Variants in MORN5 observed in about 807,000 individuals in gnomAD.
MORN5 encodes the protein MORN repeat containing 5.
Under a neutral mutation model 22.1 loss-of-function variants are expected in MORN5, and 21 were observed. The ratio of observed to expected loss-of-function variants is 0.95; its 90% CI spans 0.67 to 1.37. The LOEUF is 1.37. Among genes scored for constraint, MORN5 ranks in the 40% most tolerant of loss-of-function variants. The pLI is 0.00. For synonymous variants in MORN5, 73 were observed against 74.0 expected (o/e 0.99, Z 0.07); for missense variants, 211 against 215.1 (o/e 0.98, Z 0.12).
Position 122,166,819 on chromosome 9 carries a change from G to T in MORN5, c.99G>T (p.Gly33=), listed in dbSNP as rs776630316. ...YILPTETIYV[G]EMKDGMFHGE... Reference sequence around the variant, plus strand: ...TCCCTACCGAAACAATATATGTTGGGGAAATGAAGGATGGCATGTTTCACG... The same window carrying T: ...TCCCTACCGAAACAATATATGTTGGTGAAATGAAGGATGGCATGTTTCACG... The change falls in exon 2 of 5, where the codon GGG becomes GGT. Residue 33 remains glycine (G), a synonymous_variant. Coordinates refer to ENST00000373764, the MANE Select transcript of MORN5 (RefSeq NM_198469.4). The T allele has an allele frequency of 1.9e-6, 3 of 1,613,880 alleles. No homozygotes were observed. The highest frequency in any genetic ancestry group is 1.6e-4 in the Middle Eastern group (1 of 6,062).
chr9:122,164,782 C>T (rs1261230069), intron 1 of MORN5: 4 of 233,476 alleles, frequency 1.7e-5, no homozygotes, highest in Non-Finnish European at 2.1e-5. Context: ...CCCTTCCCCC[C>T]ATGTCTTGCA....
chr9:122,164,766 A>C, intron 1 of MORN5: 2 of 242,464 alleles, frequency 8.2e-6, no homozygotes, highest in Non-Finnish European at 1.3e-5. Flanking sequence ...GGAGAAGAGG[A>C]ATTCTCCCTT....
intron 1 of MORN5, among the ~76,000 whole-genome samples, chr9:122,161,469 C>A (rs376236898): frequency 6.6e-6 from 1 of 152,184 alleles, no homozygotes; most frequent in South Asian, 2.1e-4. Context: ...TCTCACTACT[C>A]AGTGAGATAG....
chr9:122,187,059 AC>A (rs1295091368), intron 4 of MORN5, among the ~76,000 whole-genome samples: 1 of 151,918 alleles, frequency 6.6e-6, no homozygotes, highest in Non-Finnish European at 1.5e-5. Context: ...ACAGAAATAG[AC>A]CCCCCTTCCA....
At chr9:122,162,590 A>G (rs979843365) in intron 1 of MORN5, among the ~76,000 whole-genome samples, 2 of 152,254 alleles carry the variant, frequency 1.3e-5, no homozygotes, top group African/African-American at 2.4e-5. Flanking sequence ...CAACAGGGGA[A>G]TGAAGAAACT....
At chr9:122,171,998 A>G (rs537728283) in intron 3 of MORN5, among the ~76,000 whole-genome samples, 27 of 124,696 alleles carry the variant, frequency 2.2e-4, no homozygotes, top group African/African-American at 6.9e-4. Context: ...TCTGTTGCCC[A>G]GGCTGGAGTG....
At chr9:122,185,985 T>C (rs1829625961) in intron 4 of MORN5, among the ~76,000 whole-genome samples, 1 of 152,196 alleles carries the variant, frequency 6.6e-6, no homozygotes, top group African/African-American at 2.4e-5. Flanking sequence ...TATAATCACC[T>C]GGAGGCTGGC....
rs754467127 is a variant in MORN5 at position 122,160,008 on chromosome 9, T to G, written c.36T>G (p.Tyr12Ter). ...EYTGSKYIGEYVDGRMEGKAK... is the reference protein window; with the variant it reads ...EYTGSKYIGE ...CAGGGAGCAAATATATCGGGGAATATGTAGATGGGAGGTAAGGGGCTCATT... is the reference window on the plus strand; with the variant it reads ...CAGGGAGCAAATATATCGGGGAATAGGTAGATGGGAGGTAAGGGGCTCATT... The change falls in exon 1 of 5, where the codon TAT becomes TAG. Residue 12 changes from tyrosine (Y) to a stop codon, truncating the protein, a stop_gained. Transcript: ENST00000373764. LOFTEE classifies it high-confidence loss of function. 2 of 1,613,780 alleles carry G rather than the reference T, an allele frequency of 1.2e-6. No individual in the cohort carries two copies. The highest frequency in any genetic ancestry group is 8.5e-7 in the Non-Finnish European group (1 of 1,179,914).
chr9:122,174,085 G>T (rs10818643), intron 3 of MORN5, among the ~76,000 whole-genome samples: 52,572 of 152,042 alleles, frequency 0.35, 11,202 homozygotes, highest in Non-Finnish European at 0.48. Flanking sequence ...TCCAGAGTGG[G>T]GCTTAAGGAT....
intron 4 of MORN5, among the ~76,000 whole-genome samples, chr9:122,192,207 G>A (rs1456081580): frequency 6.6e-6 from 1 of 152,224 alleles, no homozygotes; most frequent in Non-Finnish European, 1.5e-5. Context: ...GTTGCCACAT[G>A]AGCCCTGAAG....
chr9:122,173,150 C>A (rs1564417322), intron 3 of MORN5, among the ~76,000 whole-genome samples: 1 of 152,108 alleles, frequency 6.6e-6, no homozygotes, highest in Admixed American at 6.5e-5. Flanking sequence ...GCCTGGCTCT[C>A]CCCGAACATG....
At chr9:122,199,789 C>T (rs1829973820) in intron 4 of MORN5, 96 bp from the exon 5 acceptor site, 1 of 1,147,064 alleles carries the variant, frequency 8.7e-7, no homozygotes, top group Non-Finnish European at 1.3e-6. Context: ...CATCGACGGA[C>T]CATCCCAGTC....
chr9:122,177,307 T>A (rs146460627), intron 4 of MORN5, among the ~76,000 whole-genome samples: 27 of 152,322 alleles, frequency 1.8e-4, no homozygotes, highest in African/African-American at 5.3e-4. Context: ...AAGGGGCGTA[T>A]CTTTGTCTGC....
chr9:122,174,784 T>G, intron 4 of MORN5, 157 bp downstream of exon 4: 2 of 1,516,838 alleles, frequency 1.3e-6, no homozygotes, highest in East Asian at 4.9e-5. Context: ...TTTGGACTTC[T>G]CGTGGCTGGC....
chr9:122,182,038 C>T (rs576574457), intron 4 of MORN5, among the ~76,000 whole-genome samples: 6 of 152,166 alleles, frequency 3.9e-5, no homozygotes, highest in Non-Finnish European at 5.9e-5. Context: ...TTTCTGCCTC[C>T]TCAATGGTTT....
At chr9:122,194,998 T>C (rs1977506) in intron 4 of MORN5, among the ~76,000 whole-genome samples, 75,527 of 149,776 alleles carry the variant, frequency 0.5, 21,984 homozygotes, top group African/African-American at 0.8. Flanking sequence ...CCAGCCTGGG[T>C]GACAGAGCAA....
chr9:122,170,727 A>G (rs370708561), intron 3 of MORN5, among the ~76,000 whole-genome samples: 66 of 152,314 alleles, frequency 4.3e-4, no homozygotes, highest in African/African-American at 1.5e-3. Flanking sequence ...ACCTCCCTGC[A>G]AAAACCGTGT....
intron 4 of MORN5, among the ~76,000 whole-genome samples, chr9:122,183,220 T>A (rs1413678093): frequency 6.6e-6 from 1 of 152,228 alleles, no homozygotes; most frequent in Admixed American, 6.5e-5. Context: ...AAATGGCCTT[T>A]ACCATGATGG....
chr9:122,195,292 A>T (rs1364245091), intron 4 of MORN5, among the ~76,000 whole-genome samples: 1 of 152,214 alleles, frequency 6.6e-6, no homozygotes, highest in South Asian at 2.1e-4. Flanking sequence ...TTTCCCTGTT[A>T]TGACTGTCTT....
Sources: gnomAD v4.1 joint callset for allele counts (sites outside exome capture counted in the v4.1 genomes callset) on GRCh38, gnomAD v4.1.1 for gene constraint, MANE v1.5 for transcripts, NCBI Gene and HGNC (gene_info 2026-07-23, HGNC 2026-07-21) for gene names.